The following LINS1 variants were observed in gnomAD, a reference collection of about 807,000 sequenced individuals.
LINS1 encodes the protein protein Lines homolog 1.
In LINS1, 27 loss-of-function variants were observed where a neutral mutation model predicts 41.6. The observed-to-expected ratio is 0.65, with a 90% CI of 0.48 to 0.89. The LOEUF (loss-of-function observed/expected upper bound fraction) is 0.89, where lower values mean the gene tolerates loss of function less well. Ranked by LOEUF, LINS1 falls within the 40% of genes least tolerant of loss-of-function variation. LINS1 has a pLI of 0.00. For missense variants in LINS1, 955 were observed against 884.1 expected (o/e 1.08, Z -1.02); for synonymous variants, 336 against 312.9 (o/e 1.07, Z -0.78).
At chr15:100,600,355 T>G (rs2039424506) in intron 1 of LINS1, among the ~76,000 whole-genome samples, 2 of 152,084 alleles carry the variant, frequency 1.3e-5, no homozygotes, top group Non-Finnish European at 2.9e-5. Flanking sequence ...TCTGGATTTT[T>G]TGACAACTGG....
intron 1 of LINS1, among the ~76,000 whole-genome samples, chr15:100,594,070 T>C (rs4965680): frequency 0.42 from 64,543 of 152,012 alleles, 14,705 homozygotes; most frequent in Non-Finnish European, 0.53. Flanking sequence ...TGGCAAAAAA[T>C]GGCATAATAT....
rs572752695 is a variant in LINS1 at position 100,590,193 on chromosome 15, T to C, written c.-103-9248A>G. Among the ~76,000 whole-genome samples the C allele has an allele frequency of 2.2e-4, 33 of 152,226 alleles. No homozygotes were observed. The South Asian group carries it at 3.1e-3, about 14-fold the overall frequency. ...ATCAAGACTTCTACTATTATGAGAGTCTTATCTTTGAATATTTTTTGTTTA... is the reference window on the plus strand; with the variant it reads ...ATCAAGACTTCTACTATTATGAGAGCCTTATCTTTGAATATTTTTTGTTTA... On this transcript the variant is annotated intron_variant, in intron 1 of 6. Coordinates refer to ENST00000314742, the MANE Select transcript of LINS1 (RefSeq NM_001040616.3).
rs1277791791 is a variant in LINS1, at chr15:100,568,993, G to A, written c.*245C>T. 13 of 347,310 alleles carry A rather than the reference G, an allele frequency of 3.7e-5. No individual in the cohort carries two copies. In the East Asian group the frequency reaches 6.0e-4, roughly 16 times the overall value. The allele number at this position is 347,310 out of a possible 1,614,324, so 21.5% of individuals were successfully genotyped here. A position where few individuals can be genotyped will look rare whatever the true frequency, so the allele number is the denominator to read the frequency against. On this transcript the variant is annotated 3_prime_UTR_variant, in exon 7 of 7. Coordinates refer to ENST00000314742, the MANE Select transcript of LINS1 (RefSeq NM_001040616.3). ...ACAAAAATTAGCTGGGCGTGGTGGC[G>A]GGCACCTGTAATTCCAGCTACTCGG...
At chr15:100,576,907 A>C (rs1012596879) in intron 3 of LINS1, among the ~76,000 whole-genome samples, 1 of 152,246 alleles carries the variant, frequency 6.6e-6, no homozygotes, top group African/African-American at 2.4e-5. Flanking sequence ...TCATATAAAC[A>C]GAACCAAAGA....
In LINS1 at chr15:100,569,143, A is replaced by T; in HGVS notation, c.*95T>A. The T allele has an allele frequency of 1.2e-6, 1 of 800,978 alleles. No homozygotes were observed. The highest frequency in any genetic ancestry group is 2.0e-6 in the Non-Finnish European group (1 of 508,888). The allele number at this position is 800,978 out of a possible 1,614,324, so 49.6% of individuals were successfully genotyped here. A position where few individuals can be genotyped will look rare whatever the true frequency, so the allele number is the denominator to read the frequency against. On this transcript the variant is annotated 3_prime_UTR_variant, in exon 7 of 7. Transcript: ENST00000314742. The stretch of plus-strand genomic sequence containing the variant: ...GTCTCAAAAAAAAAAAAAAAAAAGA[A>T]AACCCTTTTATGGTGATGATTTTAT...
chr15:100,572,551 TG>T, intron 5 of LINS1: 1 of 982,070 alleles, frequency 1.0e-6, no homozygotes, highest in African/African-American at 1.8e-5. Flanking sequence ...TTAGGTAGTT[TG>T]AACTACAATT....
chr15:100,572,175 A>G (rs1567714269), intron 5 of LINS1, 110 bp from the exon 6 acceptor site: 1 of 1,531,300 alleles, frequency 6.5e-7, no homozygotes, highest in Non-Finnish European at 8.8e-7. Context: ...CAATTATCCT[A>G]ATTCACTTTC....
chr15:100,576,725 A>G (rs577025092), intron 3 of LINS1: 2 of 152,402 alleles, frequency 1.3e-5, no homozygotes, highest in South Asian at 4.1e-4. Flanking sequence ...CAACAAAAAA[A>G]GAGAATTTTA....
chr15:100,569,319 A>T lies in LINS1; in HGVS notation c.2193T>A (p.Leu731=). Residue 731 remains leucine (L), a synonymous_variant, in exon 7 of 7, where the codon CTT becomes CTA. Transcript: ENST00000314742. ...DAICRLQKKN[L]FPYNPTALLK... ...AAAGTGCAGTTGGATTATATGGGAA[A>T]AGATTTTTCTTTTGCAAACGGCAGA... 6.2e-7 allele frequency: 1 copy of T among 1,613,928 alleles called. No homozygotes were observed. Among genetic ancestry groups the T allele is most frequent in the Admixed American group, 1.7e-5 (1 of 60,012 alleles).
intron 1 of LINS1, among the ~76,000 whole-genome samples, chr15:100,593,253 G>A (rs2039113739): frequency 6.6e-6 from 1 of 152,186 alleles, no homozygotes; most frequent in Admixed American, 6.5e-5. Context: ...TACTAGGTAA[G>A]TGAAGGAGCA....
rs542351939 is a variant in LINS1 at position 100,599,691 on chromosome 15, T to G, written c.-104+2430A>C. On this transcript the variant is annotated intron_variant, in intron 1 of 6. Transcript: ENST00000314742. Reference sequence around the variant, plus strand: ...TCTCTCTCCCTCTTTTTCCTTCTTTTTGGGAGTTCAAAACTTCTTGACTCT... The same window carrying G: ...TCTCTCTCCCTCTTTTTCCTTCTTTGTGGGAGTTCAAAACTTCTTGACTCT... Among the ~76,000 whole-genome samples, 22 of 152,340 alleles carry G rather than the reference T, an allele frequency of 1.4e-4. No homozygotes were observed. The South Asian group carries it at 4.1e-3, about 29-fold the overall frequency.
chr15:100,599,659 A>T (rs765729183), intron 1 of LINS1, among the ~76,000 whole-genome samples: 65 of 152,234 alleles, frequency 4.3e-4, no homozygotes, highest in Non-Finnish European at 8.1e-4. Flanking sequence ...TTACATATTT[A>T]TTCATTTCTC....
At chr15:100,592,649 G>A (rs985894939) in intron 1 of LINS1, among the ~76,000 whole-genome samples, 1 of 152,108 alleles carries the variant, frequency 6.6e-6, no homozygotes, top group Non-Finnish European at 1.5e-5. Flanking sequence ...GCTGCTTCAG[G>A]AACCCAGGAC....
intron 6 of LINS1, among the ~76,000 whole-genome samples, chr15:100,571,108 T>C (rs1369884587): frequency 6.6e-6 from 1 of 152,214 alleles, no homozygotes; most frequent in Non-Finnish European, 1.5e-5. Flanking sequence ...TAGGACCTTT[T>C]GAAAATTGGC....
At chr15:100,599,836 CGGGT>C (rs2039402000) in intron 1 of LINS1, among the ~76,000 whole-genome samples, 1 of 152,090 alleles carries the variant, frequency 6.6e-6, no homozygotes, top group Non-Finnish European at 1.5e-5. Flanking sequence ...GAGGCCGAGG[CGGGT>C]GGATCACCTG....
intron 1 of LINS1, among the ~76,000 whole-genome samples, chr15:100,582,455 T>C (rs112654441): frequency 1.5e-5 from 2 of 136,424 alleles, no homozygotes; most frequent in South Asian, 2.4e-4. Context: ...ATCTACACTA[T>C]GGCCACTAGC....
intron 3 of LINS1, among the ~76,000 whole-genome samples, chr15:100,579,829 C>A (rs1465260934): frequency 6.6e-6 from 1 of 152,126 alleles, no homozygotes; most frequent in Admixed American, 6.6e-5. Context: ...AAGGGGTCCA[C>A]CTACTAGTTC....
chr15:100,600,738 G>C (rs1268509797), intron 1 of LINS1, among the ~76,000 whole-genome samples: 1 of 152,096 alleles, frequency 6.6e-6, no homozygotes, highest in Non-Finnish European at 1.5e-5. Context: ...GAAGTATAAT[G>C]GGACAAAAAT....
chr15:100,582,043 C>T (rs1046796453), intron 1 of LINS1, among the ~76,000 whole-genome samples: 9 of 152,262 alleles, frequency 5.9e-5, no homozygotes, highest in African/African-American at 1.9e-4. Context: ...GACACACTTC[C>T]CATCTTCAAC....
Sources: allele counts gnomAD v4.1 joint callset (sites outside exome capture counted in the v4.1 genomes callset), GRCh38; gene constraint gnomAD v4.1.1; transcripts MANE v1.5; gene names NCBI Gene and HGNC (gene_info 2026-07-23, HGNC 2026-07-21).